TP53BP1: variants seen among roughly 807,000 people sequenced by gnomAD.
TP53BP1 encodes the protein tumor protein p53 binding protein 1.
TP53BP1 carries 61 observed loss-of-function variants against 200.8 expected under a neutral mutation model. The ratio of observed to expected loss-of-function variants is 0.30; its 90% CI spans 0.25 to 0.38. TP53BP1 has a LOEUF of 0.38. Ranked by LOEUF, TP53BP1 falls within the 10% of genes least tolerant of loss-of-function variation. The pLI, the probability that TP53BP1 is intolerant of heterozygous loss-of-function variation, is 1.00. For synonymous variants in TP53BP1, 822 were observed against 844.3 expected (o/e 0.97, Z 0.46); for missense variants, 2,144 against 2,371.9 (o/e 0.90, Z 2.00).
chr15:43,441,465 C>A, intron 15 of TP53BP1, 61 bp downstream of exon 15: 1 of 1,090,202 alleles, frequency 9.2e-7, no homozygotes, highest in South Asian at 1.3e-5. Context: ...GTTGATAAAC[C>A]ATCTACCCTC....
At chr15:43,481,145 A>T in intron 4 of TP53BP1, 123 bp from the exon 5 acceptor site, 1 of 1,007,760 alleles carries the variant, frequency 9.9e-7, no homozygotes, top group Non-Finnish European at 1.5e-6. Flanking sequence ...AAAATACCTC[A>T]CCTTTATAGT....
intron 11 of TP53BP1, among the ~76,000 whole-genome samples, chr15:43,468,417 T>C (rs944570951): frequency 6.6e-6 from 1 of 151,964 alleles, no homozygotes; most frequent in Admixed American, 6.6e-5. Context: ...CATGGTGCCA[T>C]GTGCCTGTAG....
chr15:43,493,010 G>A (rs1175092928), intron 1 of TP53BP1, 27 bp downstream of exon 1: 1 of 1,611,290 alleles, frequency 6.2e-7, no homozygotes, highest in Non-Finnish European at 8.5e-7. Flanking sequence ...AGAGCCCACT[G>A]CACTCCCATT....
chr15:43,483,991 C>T (rs2079011486), intron 4 of TP53BP1, among the ~76,000 whole-genome samples: 1 of 152,204 alleles, frequency 6.6e-6, no homozygotes, highest in Non-Finnish European at 1.5e-5. Flanking sequence ...ATTTAAATCT[C>T]TGGCCTAGAC....
At chr15:43,417,545 T>G (rs911517870) in intron 21 of TP53BP1, among the ~76,000 whole-genome samples, 1 of 152,236 alleles carries the variant, frequency 6.6e-6, no homozygotes, top group Non-Finnish European at 1.5e-5. Context: ...TAGTCTAGTG[T>G]TGACATGAGC....
intron 11 of TP53BP1, among the ~76,000 whole-genome samples, chr15:43,462,567 T>C (rs1402187430): frequency 6.6e-6 from 1 of 152,064 alleles, no homozygotes; most frequent in African/African-American, 2.4e-5. Flanking sequence ...CCTCCCACCT[T>C]GGCCTCCCAA....
At chr15:43,501,623 A>C (rs2079209842) in intron 1 of TP53BP1, among the ~76,000 whole-genome samples, 1 of 152,198 alleles carries the variant, frequency 6.6e-6, no homozygotes, top group African/African-American at 2.4e-5. Flanking sequence ...CCTTCCAGTC[A>C]ATCCCCATTC....
chr15:43,405,276 A>G lies in TP53BP1; in HGVS notation c.*2107T>C. 6.3e-7 allele frequency: 1 copy of G among 1,575,216 alleles called. No homozygotes were observed. The highest frequency in any genetic ancestry group is 2.2e-5 in the East Asian group (1 of 44,708). Reference sequence around the variant, plus strand: ...TCCCAAGGTTGTAACAGAAGATTCAAAACATCCCATTCTAGCCACACACAA... The same window carrying G: ...TCCCAAGGTTGTAACAGAAGATTCAGAACATCCCATTCTAGCCACACACAA... On this transcript the variant is annotated 3_prime_UTR_variant, in exon 28 of 28. Coordinates refer to ENST00000382044, the MANE Select transcript of TP53BP1 (RefSeq NM_001141980.3).
At chr15:43,489,825 GT>G (rs2079095545) in intron 4 of TP53BP1, among the ~76,000 whole-genome samples, 1 of 152,048 alleles carries the variant, frequency 6.6e-6, no homozygotes, top group Non-Finnish European at 1.5e-5. Flanking sequence ...CGGTTTGCAG[GT>G]TGTTCTAAAG....
intron 9 of TP53BP1, 57 bp downstream of exon 9, chr15:43,475,508 A>C: frequency 6.3e-7 from 1 of 1,590,240 alleles, no homozygotes; most frequent in Non-Finnish European, 8.6e-7. Context: ...TTTCAGCCTT[A>C]GCCTAAGACT....
chr15:43,415,847 A>G (rs775203698), intron 22 of TP53BP1, 38 bp from the exon 23 acceptor site: 1 of 1,564,540 alleles, frequency 6.4e-7, no homozygotes, highest in Non-Finnish European at 8.8e-7. Context: ...GTCAAACTCT[A>G]TGGTATGAGG....
chr15:43,410,800 C>T (rs1484734112), intron 24 of TP53BP1, among the ~76,000 whole-genome samples: 1 of 152,148 alleles, frequency 6.6e-6, no homozygotes, highest in African/African-American at 2.4e-5. Context: ...AGCTCAGGCA[C>T]CGCCGAGGCC....
chr15:43,451,057 T>A (rs993689473), intron 12 of TP53BP1, among the ~76,000 whole-genome samples: 16 of 152,126 alleles, frequency 1.1e-4, no homozygotes, highest in Non-Finnish European at 2.1e-4. Flanking sequence ...TATCTTTTTT[T>A]AAAATCAATA....
chr15:43,403,899 T>G lies in TP53BP1; in HGVS notation c.*3484A>C. ...TCCTCTGAGTCAGTAAAGCATTTCC[T>G]CAATACACACACGTACAGAGATAAG... On this transcript the variant is annotated 3_prime_UTR_variant, in exon 28 of 28. Coordinates refer to ENST00000382044, the MANE Select transcript of TP53BP1 (RefSeq NM_001141980.3). The G allele has an allele frequency of 2.4e-6, 2 of 817,484 alleles. No homozygotes were observed. The highest frequency in any genetic ancestry group is 4.9e-5 in the East Asian group (2 of 40,598). 50.6% of individuals were successfully genotyped at this position (817,484 alleles called of 1,614,324 possible).
At chr15:43,498,090 G>A (rs1283155340), upstream of TP53BP1, among the ~76,000 whole-genome samples, 1 of 151,916 alleles carries the variant, frequency 6.6e-6, no homozygotes, top group Non-Finnish European at 1.5e-5. Context: ...TATTACCAGA[G>A]GCATTACACA....
At chr15:43,451,732 T>C (rs1246897811) in intron 12 of TP53BP1, among the ~76,000 whole-genome samples, 4 of 152,220 alleles carry the variant, frequency 2.6e-5, no homozygotes, top group Non-Finnish European at 5.9e-5. Context: ...ATGGTATTTC[T>C]AGTTCTAGAT....
rs75476278 is a variant in TP53BP1 at position 43,443,726 on chromosome 15, G to C, written c.3041-2143C>G. 8.9e-3 allele frequency among the ~76,000 whole-genome samples: 1,354 copies of C among 151,956 alleles called. 19 individuals are homozygous for C. The highest frequency in any genetic ancestry group is 0.032 in the African/African-American group (1,306 of 41,448). On this transcript the variant is annotated intron_variant, in intron 14 of 27. Transcript: ENST00000382044. ...AATAACAACAAAAAGAAACAAAAAG[G>C]ACATTTTCAAGAACATGCAGCAACA... is the stretch of plus-strand genomic sequence containing the variant.
chr15:43,435,832 A>C (rs1190309777), intron 16 of TP53BP1, among the ~76,000 whole-genome samples: 1 of 152,010 alleles, frequency 6.6e-6, no homozygotes, highest in Non-Finnish European at 1.5e-5. Context: ...AGTAGCTGAG[A>C]CTACAAGCGT....
intron 23 of TP53BP1, among the ~76,000 whole-genome samples, chr15:43,413,800 C>A (rs1357177055): frequency 4.0e-5 from 6 of 149,520 alleles, no homozygotes; most frequent in African/African-American, 4.9e-5. Flanking sequence ...AAAAAAAAAA[C>A]CCAACACTTT....
Sources: allele counts gnomAD v4.1 joint callset (sites outside exome capture counted in the v4.1 genomes callset), GRCh38; gene constraint gnomAD v4.1.1; transcripts MANE v1.5; gene names NCBI Gene and HGNC (gene_info 2026-07-23, HGNC 2026-07-21).